Variants in KDM7A observed in about 807,000 individuals in gnomAD.
KDM7A encodes lysine-specific demethylase 7A.
Under a neutral mutation model 114.8 loss-of-function variants are expected in KDM7A, and 28 were observed. The ratio of observed to expected loss-of-function variants is 0.24; its 90% CI spans 0.18 to 0.33. The LOEUF is 0.33. Among genes scored for constraint, KDM7A ranks in the 10% least tolerant of loss-of-function variants. KDM7A has a pLI of 1.00. For synonymous variants in KDM7A, 423 were observed against 397.8 expected, an observed-to-expected ratio of 1.06 and a Z score of -0.75; for missense variants, 942 against 1,142.5, an observed-to-expected ratio of 0.82 and a Z score of 2.53.
intron 1 of KDM7A, among the ~76,000 whole-genome samples, chr7:140,153,742 GT>G (rs2116839545): frequency 6.6e-6 from 1 of 152,336 alleles, no homozygotes; most frequent in East Asian, 1.9e-4. Flanking sequence ...CCTGTCTAGA[GT>G]TCCGCAAATG....
chr7:140,140,875 T>G (rs1794264600), intron 1 of KDM7A, among the ~76,000 whole-genome samples: 1 of 151,734 alleles, frequency 6.6e-6, no homozygotes, highest in South Asian at 2.1e-4. Context: ...GCATAGGAAT[T>G]AGGAAAAAAA....
chr7:140,152,684 T>C (rs1225063495), intron 1 of KDM7A, among the ~76,000 whole-genome samples: 2 of 149,998 alleles, frequency 1.3e-5, no homozygotes, highest in Non-Finnish European at 3.0e-5. Flanking sequence ...AATAGCAAAA[T>C]AGGTGACGCT....
chr7:140,176,842 A>G lies in KDM7A; in HGVS notation c.96T>C (p.Pro32=), dbSNP rs749682487. The G allele has an allele frequency of 1.5e-4, 196 of 1,324,756 alleles. 1 individual carries two copies. Among genetic ancestry groups the G allele is most frequent in the East Asian group, 7.1e-5 (2 of 28,326 alleles). 82.1% of individuals were successfully genotyped at this position (1,324,756 alleles called of 1,614,324 possible). A position where few individuals can be genotyped will look rare whatever the true frequency, so the allele number is the denominator to read the frequency against. ...CACAGTACACGGGCGGGGGCGGCGGAGGCGCCGAGGCCCGGCCGGGAGCCG... is the reference window on the plus strand; with the variant it reads ...CACAGTACACGGGCGGGGGCGGCGGGGGCGCCGAGGCCCGGCCGGGAGCCG... ...SVAAPGRASA[P]PPPPPVYCVC... is the part of the protein sequence containing the mutation. The change falls in exon 1 of 20, where the codon CCT becomes CCC. Residue 32 remains proline (P), a synonymous_variant. Coordinates refer to ENST00000397560, the MANE Select transcript of KDM7A (RefSeq NM_030647.2). The surrounding 1 kb of genome is among the most constrained non-coding windows in gnomAD (Gnocchi z 4.4).
intron 11 of KDM7A, among the ~76,000 whole-genome samples, chr7:140,102,599 C>G (rs1020591197): frequency 6.6e-6 from 1 of 152,168 alleles, no homozygotes; most frequent in Non-Finnish European, 1.5e-5. Context: ...TCTTGAACTC[C>G]TGAGCTCAGG....
intron 1 of KDM7A, among the ~76,000 whole-genome samples, chr7:140,161,579 G>A (rs952292134): frequency 7.3e-5 from 11 of 150,250 alleles, no homozygotes; most frequent in African/African-American, 2.0e-4. Flanking sequence ...ACGGAGTCTC[G>A]CTCTGTCACC....
At chr7:140,108,590 T>C (rs1585143392) in intron 11 of KDM7A, among the ~76,000 whole-genome samples, 1 of 152,076 alleles carries the variant, frequency 6.6e-6, no homozygotes, top group African/African-American at 2.4e-5. Context: ...GCTGCAAATA[T>C]TGCAGAACAG....
chr7:140,176,358 C>T lies in KDM7A; in HGVS notation c.194+386G>A, dbSNP rs1794707691. Among the ~76,000 whole-genome samples the T allele has an allele frequency of 7.3e-6, 1 of 136,382 alleles. No homozygotes were observed. The highest frequency in any genetic ancestry group is 2.6e-5 in the African/African-American group (1 of 38,752). 89.5% of individuals were successfully genotyped at this position (136,382 alleles called of 152,430 possible). ...GGCCGGAGCCCCGGGCGCGGCGGGG[C>T]GGGGCGGGGCGGCGGCGGCCCGGGC... On this transcript the variant is annotated intron_variant, in intron 1 of 19. Coordinates refer to ENST00000397560, the MANE Select transcript of KDM7A (RefSeq NM_030647.2). This position sits in a 1 kb window ranked among gnomAD's most constrained non-coding sequence, Gnocchi z 4.4.
At chr7:140,112,785 T>C (rs1562949611) in intron 10 of KDM7A, among the ~76,000 whole-genome samples, 4 of 152,186 alleles carry the variant, frequency 2.6e-5, no homozygotes, top group Admixed American at 6.5e-5. Context: ...TATTACTTTA[T>C]AAACATTTGT....
At chr7:140,150,659 A>G (rs1241340304) in intron 1 of KDM7A, among the ~76,000 whole-genome samples, 2 of 152,192 alleles carry the variant, frequency 1.3e-5, no homozygotes, top group African/African-American at 4.8e-5. Flanking sequence ...AGAAAACTGA[A>G]TGGATATAGA....
In KDM7A at chr7:140,111,276, A is replaced by G. The variant is rs77010328; in HGVS notation, c.1339-92T>C. Reference sequence around the variant, plus strand: ...TACTAAACCAATTTTTGGATTCTCTAAACTGTTACAGACATCGCCAAATAC... The same window carrying G: ...TACTAAACCAATTTTTGGATTCTCTGAACTGTTACAGACATCGCCAAATAC... On this transcript the variant is annotated intron_variant, in intron 10 of 19. Transcript: ENST00000397560. 7.0e-4 allele frequency: 533 copies of G among 760,958 alleles called. 3 individuals carry two copies. In the African/African-American group the frequency reaches 7.5e-3, roughly 11 times the overall value. 47.1% of individuals were successfully genotyped at this position (760,958 alleles called of 1,614,324 possible). A position where few individuals can be genotyped will look rare whatever the true frequency, so the allele number is the denominator to read the frequency against.
intron 7 of KDM7A, among the ~76,000 whole-genome samples, chr7:140,120,974 C>T (rs978266956): frequency 6.6e-6 from 1 of 152,070 alleles, no homozygotes. Context: ...TTGAGACCAG[C>T]CAAATCTGGT....
chr7:140,136,153 C>T (rs62491419), intron 2 of KDM7A, among the ~76,000 whole-genome samples: 51 of 152,074 alleles, frequency 3.4e-4, no homozygotes, highest in African/African-American at 1.2e-3. Context: ...AATTAGACTG[C>T]TAGGGGTTCA....
rs192399536 is a variant in KDM7A, at chr7:140,135,448, A to G, written c.281-1792T>C. Among the ~76,000 whole-genome samples, 330 of 152,104 alleles carry G rather than the reference A, an allele frequency of 2.2e-3. 2 individuals carry two copies. Among genetic ancestry groups the G allele is most frequent in the Non-Finnish European group, 1.6e-3 (110 of 67,978 alleles). On this transcript the variant is annotated intron_variant, in intron 2 of 19. Transcript: ENST00000397560. ...GATCTCCTGACCTTGTGATCCGCCC[A>G]CCTTGGCCTCCCAAAGTGCTAGGAT...
intron 11 of KDM7A, among the ~76,000 whole-genome samples, chr7:140,104,941 TTG>T (rs1192175451): frequency 6.6e-6 from 1 of 152,180 alleles, no homozygotes; most frequent in African/African-American, 2.4e-5. Flanking sequence ...GTTCTTCCAT[TTG>T]TTTGTGTCTT....
intron 2 of KDM7A, among the ~76,000 whole-genome samples, chr7:140,134,613 T>C (rs539858015): frequency 2.5e-4 from 38 of 152,000 alleles, no homozygotes; most frequent in South Asian, 1.2e-3. Context: ...TCTATGATTC[T>C]GGAAAATGTA....
chr7:140,091,724 C>T, intron 19 of KDM7A, 80 bp downstream of exon 19: 2 of 1,476,754 alleles, frequency 1.4e-6, no homozygotes, highest in Non-Finnish European at 1.9e-6. Context: ...AACTTGAGTG[C>T]AGAGACTACA....
At chr7:140,129,075 G>T (rs1454202970) in intron 4 of KDM7A, among the ~76,000 whole-genome samples, 2 of 152,160 alleles carry the variant, frequency 1.3e-5, no homozygotes, top group African/African-American at 2.4e-5. Context: ...GCAGCAGCAG[G>T]TCACAAAGCA....
At chr7:140,115,609 A>G (rs1037647832) in intron 9 of KDM7A, among the ~76,000 whole-genome samples, 2 of 151,964 alleles carry the variant, frequency 1.3e-5, no homozygotes, top group Admixed American at 6.6e-5. Flanking sequence ...GCTCGTTAAG[A>G]GTCATCACCA....
At chr7:140,107,564 G>A (rs1818359064) in intron 11 of KDM7A, among the ~76,000 whole-genome samples, 1 of 152,190 alleles carries the variant, frequency 6.6e-6, no homozygotes, top group Non-Finnish European at 1.5e-5. Flanking sequence ...ATTCTGGGTT[G>A]AAAATTGTTT....
Sources: allele counts gnomAD v4.1 joint callset (sites outside exome capture counted in the v4.1 genomes callset), GRCh38; gene constraint gnomAD v4.1.1; non-coding constraint Gnocchi (gnomAD v3.1); transcripts MANE v1.5; gene names NCBI Gene and HGNC (gene_info 2026-07-23, HGNC 2026-07-21).